VWA3A: variants seen among roughly 807,000 people sequenced by gnomAD.
VWA3A encodes the protein von Willebrand factor A domain containing 3A, also known as von Willebrand factor A domain-containing protein 3A.
A neutral mutation model predicts 160.4 loss-of-function variants in VWA3A; 134 were observed. The observed-to-expected ratio is 0.84, with a 90% CI of 0.73 to 0.96. VWA3A has a LOEUF of 0.96. Ranked by LOEUF, VWA3A falls within the 40% of genes least tolerant of loss-of-function variation. The probability of loss-of-function intolerance (pLI) is 0.00; values close to 1 mark genes in which losing one functional copy is unlikely to be tolerated. For synonymous variants in VWA3A, 476 were observed against 543.4 expected (o/e 0.88, Z 1.72); for missense variants, 1,310 against 1,447.9 (o/e 0.90, Z 1.55).
At chr16:22,101,204 C>T (rs1302035019) in intron 5 of VWA3A, among the ~76,000 whole-genome samples, 1 of 152,060 alleles carries the variant, frequency 6.6e-6, no homozygotes. Context: ...CTGCAGTGAG[C>T]TATGATCACA....
intron 20 of VWA3A, 133 bp downstream of exon 20, chr16:22,133,228 C>T (rs1437372506): frequency 9.6e-7 from 1 of 1,039,710 alleles, no homozygotes; most frequent in African/African-American, 1.6e-5. Flanking sequence ...TAAAACTGTT[C>T]CTCTGAAGAT....
Position 22,144,367 on chromosome 16 carries a change from C to T in VWA3A, c.2713C>T (p.Pro905Ser). The stretch of plus-strand genomic sequence containing the variant: ...ATCCGCCAAACACTGCAGCATCTTC[C>T]CCAGCGTTGAGATCCATGTAAGTCA... ...SASAKHCSIFPSVEIHGVVRH... is the reference protein window; with the variant it reads ...SASAKHCSIFSSVEIHGVVRH... Residue 905 changes from proline to serine, a missense_variant, in exon 26 of 34, where the codon CCC becomes TCC. Pro to Ser is a moderately conservative substitution (Grantham distance 74, BLOSUM62 -1). Transcript: ENST00000389398. 6.2e-7 allele frequency: 1 copy of T among 1,613,606 alleles called. No homozygotes were observed. The highest frequency in any genetic ancestry group is 8.5e-7 in the Non-Finnish European group (1 of 1,179,804).
chr16:22,129,402 A>AAGAAAGAAAG (rs1555458651), intron 17 of VWA3A, among the ~76,000 whole-genome samples: 22 of 118,966 alleles, frequency 1.8e-4, no homozygotes, highest in African/African-American at 6.9e-4. Flanking sequence ...AAAAAAAAAA[A>AAGAAAGAAAG]AAAGAAAGAA....
At chr16:22,149,547 G>C (rs2046311334) in intron 28 of VWA3A, among the ~76,000 whole-genome samples, 1 of 152,076 alleles carries the variant, frequency 6.6e-6, no homozygotes, top group Non-Finnish European at 1.5e-5. Context: ...GTCTGGCTTG[G>C]GCTGGGATTT....
chr16:22,140,412 A>C (rs1443056971), intron 23 of VWA3A, among the ~76,000 whole-genome samples, 168 bp downstream of exon 23: 1 of 152,076 alleles, frequency 6.6e-6, no homozygotes, highest in African/African-American at 2.4e-5. Context: ...GTTCAAGACA[A>C]GCCTTGACAA....
chr16:22,107,462 C>A (rs1443667420), intron 6 of VWA3A, among the ~76,000 whole-genome samples: 2 of 152,148 alleles, frequency 1.3e-5, no homozygotes, highest in Admixed American at 6.6e-5. Flanking sequence ...AAGAGAGTGG[C>A]CAGGCACGAT....
At chr16:22,137,107 G>A (rs200728014) in intron 21 of VWA3A, among the ~76,000 whole-genome samples, 13 of 149,146 alleles carry the variant, frequency 8.7e-5, no homozygotes, top group Admixed American at 2.7e-4. Flanking sequence ...AAATAAGTAA[G>A]TAAATAAATA....
At chr16:22,097,879 T>A (rs1163972324) in intron 3 of VWA3A, among the ~76,000 whole-genome samples, 184 bp downstream of exon 3, 1 of 152,232 alleles carries the variant, frequency 6.6e-6, no homozygotes, top group Non-Finnish European at 1.5e-5. Flanking sequence ...ACTGTTTATA[T>A]AGAAATTGTT....
intron 8 of VWA3A, among the ~76,000 whole-genome samples, chr16:22,114,669 C>T (rs564766786): frequency 2.6e-5 from 4 of 152,272 alleles, no homozygotes; most frequent in African/African-American, 9.6e-5. Context: ...GGGCCTGGTA[C>T]CTAATACTAC....
At chr16:22,096,370 G>A (rs896286947) in intron 1 of VWA3A, among the ~76,000 whole-genome samples, 1 of 152,144 alleles carries the variant, frequency 6.6e-6, no homozygotes, top group Non-Finnish European at 1.5e-5. Context: ...AGGCTGAGGA[G>A]GATCTCTTGA....
At chr16:22,119,226 A>C (rs1019764145) in intron 12 of VWA3A, among the ~76,000 whole-genome samples, 199 bp downstream of exon 12, 1 of 152,148 alleles carries the variant, frequency 6.6e-6, no homozygotes, top group Non-Finnish European at 1.5e-5. Flanking sequence ...ATGGTACCGG[A>C]AAGATTCTGG....
chr16:22,103,450 A>T, intron 5 of VWA3A, 25 bp from the exon 6 acceptor site: 1 of 1,550,870 alleles, frequency 6.4e-7, no homozygotes, highest in South Asian at 1.2e-5. Flanking sequence ...GCCTTGGGTG[A>T]TGAGTCTTTC....
chr16:22,131,055 T>A (rs1057135651), intron 17 of VWA3A, 150 bp from the exon 18 acceptor site: 6 of 698,448 alleles, frequency 8.6e-6, no homozygotes, highest in Non-Finnish European at 1.5e-5. Flanking sequence ...CACAAGGAAA[T>A]CTCATGGCTG....
At chr16:22,097,332 G>C (rs1273106512) in intron 2 of VWA3A, among the ~76,000 whole-genome samples, 2 of 152,110 alleles carry the variant, frequency 1.3e-5, no homozygotes, top group African/African-American at 4.8e-5. Context: ...GGTGAGACTG[G>C]GTAAATGGTC....
At chr16:22,143,474 T>C (rs1255461521) in intron 25 of VWA3A, among the ~76,000 whole-genome samples, 1 of 152,218 alleles carries the variant, frequency 6.6e-6, no homozygotes, top group Non-Finnish European at 1.5e-5. Context: ...ATGCCATCCC[T>C]GGCTGCTTTG....
In VWA3A at chr16:22,138,517, G is replaced by A. The variant is rs763057676; in HGVS notation, c.2292+5G>A. The A allele has an allele frequency of 6.2e-7, 1 of 1,613,772 alleles. No homozygotes were observed. Among genetic ancestry groups the A allele is most frequent in the Admixed American group, 1.7e-5 (1 of 59,996 alleles). On this transcript the variant is annotated splice_donor_5th_base_variant and intron_variant, in intron 22 of 33. Transcript: ENST00000389398. ...GTCCCCCTGGGGGCCAGAATGGTTT[G>A]ACTCCCCTCCTAATAACACGCAGAA... is the stretch of plus-strand genomic sequence containing the variant.
At chr16:22,131,447 C>T in intron 18 of VWA3A, 138 bp from the exon 19 acceptor site, 14 of 1,460,058 alleles carry the variant, frequency 9.6e-6, no homozygotes, top group Non-Finnish European at 1.3e-5. Context: ...GCTCTCCCCA[C>T]CTGGCCATCT....
Position 22,152,570 on chromosome 16 carries a change from C to A in VWA3A, c.3341C>A (p.Pro1114His). The stretch of plus-strand genomic sequence containing the variant: ...TTCACCGGCGGACGCTATCACTGCC[C>A]TGTGGGTGAGGACACACTCTCCAAA... ...ASFTGGRYHC[P>H]VGEDTLSKIH... Residue 1114 changes from proline to histidine, a missense_variant, in exon 31 of 34, where the codon CCT becomes CAT. Pro to His is a moderately conservative substitution (Grantham distance 77). Transcript: ENST00000389398. 6.2e-7 allele frequency: 1 copy of A among 1,612,336 alleles called. No homozygotes were observed. The highest frequency in any genetic ancestry group is 2.2e-5 in the East Asian group (1 of 44,854).
intron 18 of VWA3A, 54 bp downstream of exon 18, chr16:22,131,333 C>T: frequency 6.3e-7 from 1 of 1,587,668 alleles, no homozygotes; most frequent in Non-Finnish European, 8.6e-7. Context: ...GGTTTGCAGG[C>T]ATTGTTTTCT....
Sources: gnomAD v4.1 joint callset for allele counts (sites outside exome capture counted in the v4.1 genomes callset) on GRCh38, gnomAD v4.1.1 for gene constraint, MANE v1.5 for transcripts, NCBI Gene and HGNC (gene_info 2026-07-23, HGNC 2026-07-21) for gene names.